Variants in CACNB2 observed in about 807,000 individuals in gnomAD.
CACNB2 encodes calcium voltage-gated channel auxiliary subunit beta 2.
Under a neutral mutation model 73.3 loss-of-function variants are expected in CACNB2, and 42 were observed. The ratio of observed to expected loss-of-function variants is 0.57; its 90% CI spans 0.45 to 0.74. CACNB2 has a LOEUF of 0.74. Ranked by LOEUF, CACNB2 falls within the 30% of genes least tolerant of loss-of-function variation. CACNB2 has a pLI of 0.00. For missense variants in CACNB2, 940 were observed against 853.0 expected (o/e 1.10, Z -1.27); for synonymous variants, 348 against 310.3 (o/e 1.12, Z -1.28).
chr10:18,175,097 T>A (rs1431868118), intron 2 of CACNB2, among the ~76,000 whole-genome samples: 1 of 152,202 alleles, frequency 6.6e-6, no homozygotes, highest in East Asian at 1.9e-4. Flanking sequence ...TCTATGGTCT[T>A]GTTTAAAAGT....
At chr10:18,423,560 G>A (rs1469777318) in intron 3 of CACNB2, among the ~76,000 whole-genome samples, 1 of 152,084 alleles carries the variant, frequency 6.6e-6, no homozygotes, top group Non-Finnish European at 1.5e-5. Context: ...ATACACTGGG[G>A]TATCTTTCAA....
intron 11 of CACNB2, among the ~76,000 whole-genome samples, chr10:18,535,172 AAGAC>A (rs1360297041): frequency 6.6e-6 from 1 of 152,346 alleles, no homozygotes; most frequent in South Asian, 2.1e-4. Flanking sequence ...ATTAATTTTC[AAGAC>A]AGACCAATGG....
chr10:18,468,581 G>T (rs2048022063), intron 3 of CACNB2, among the ~76,000 whole-genome samples: 1 of 152,078 alleles, frequency 6.6e-6, no homozygotes, highest in Non-Finnish European at 1.5e-5. Flanking sequence ...TGCAGACTGA[G>T]CGTCTGATTT....
intron 2 of CACNB2, among the ~76,000 whole-genome samples, chr10:18,162,027 A>T (rs1448017715): frequency 6.6e-6 from 1 of 152,202 alleles, no homozygotes; most frequent in African/African-American, 2.4e-5. Context: ...TTGTACATAT[A>T]TGTGTGTCAG....
intron 3 of CACNB2, among the ~76,000 whole-genome samples, chr10:18,416,627 G>A (rs1302767736): frequency 6.6e-6 from 1 of 152,110 alleles, no homozygotes; most frequent in Non-Finnish European, 1.5e-5. Flanking sequence ...GGCCAGAGTG[G>A]TCTTGAACCC....
chr10:18,177,976 T>C (rs2033692268), intron 2 of CACNB2, among the ~76,000 whole-genome samples: 1 of 152,196 alleles, frequency 6.6e-6, no homozygotes, highest in Admixed American at 6.5e-5. Flanking sequence ...ATATGCATTT[T>C]GCAGCTAGAC....
At chr10:18,165,390 C>T (rs1171334137) in intron 2 of CACNB2, among the ~76,000 whole-genome samples, 1 of 152,202 alleles carries the variant, frequency 6.6e-6, no homozygotes, top group Non-Finnish European at 1.5e-5. Flanking sequence ...GAAACGATGT[C>T]ACTGCACCTG....
intron 3 of CACNB2, among the ~76,000 whole-genome samples, chr10:18,488,162 G>A (rs921830338): frequency 6.6e-6 from 1 of 151,392 alleles, no homozygotes; most frequent in African/African-American, 2.4e-5. Flanking sequence ...AGAGAGAAAC[G>A]GAAGATCTAA....
chr10:18,387,870 C>T (rs1172453563), intron 2 of CACNB2, among the ~76,000 whole-genome samples: 2 of 152,076 alleles, frequency 1.3e-5, no homozygotes, highest in South Asian at 4.1e-4. Context: ...GATCCTCCCA[C>T]CTCAGCCTCC....
intron 2 of CACNB2, among the ~76,000 whole-genome samples, chr10:18,299,541 T>A (rs2039422434): frequency 6.6e-6 from 1 of 152,084 alleles, no homozygotes; most frequent in Non-Finnish European, 1.5e-5. Flanking sequence ...TGAAACCCCA[T>A]CTCCACAAAA....
chr10:18,241,935 C>T (rs1178278276), intron 2 of CACNB2, among the ~76,000 whole-genome samples: 1 of 151,912 alleles, frequency 6.6e-6, no homozygotes, highest in African/African-American at 2.4e-5. Context: ...ATTCAAGTCA[C>T]AATAAACAAA....
At chr10:18,321,623 T>C (rs1416853422) in intron 2 of CACNB2, among the ~76,000 whole-genome samples, 4 of 152,188 alleles carry the variant, frequency 2.6e-5, no homozygotes, top group African/African-American at 9.7e-5. Flanking sequence ...ATTGCATGCC[T>C]GTATCAAAAC....
At position 18,340,617 on chromosome 10, in the gene CACNB2, G is replaced by C. The variant is rs558423717; in HGVS notation, c.214-61307G>C. 2.6e-5 allele frequency: 30 copies of C among 1,171,112 alleles called. No individual in the cohort carries two copies. The African/African-American group carries it at 3.9e-4, about 15-fold the overall frequency. The allele number at this position is 1,171,112 out of a possible 1,614,324, so 72.5% of individuals were successfully genotyped here. Reference sequence around the variant, plus strand: ...ACTGTACTTTGACAAGTTTGCAGGCGTCTGTCTTCCAAGCCAGCTGACGTA... The same window carrying C: ...ACTGTACTTTGACAAGTTTGCAGGCCTCTGTCTTCCAAGCCAGCTGACGTA... On this transcript the variant is annotated intron_variant, in intron 2 of 13. Transcript: ENST00000324631.
chr10:18,220,232 T>TATATATATATAGAG (rs1488872721), intron 2 of CACNB2, among the ~76,000 whole-genome samples: 2 of 25,090 alleles, frequency 8.0e-5, no homozygotes, highest in African/African-American at 2.4e-4. Flanking sequence ...TATATATATA[T>TATATATATATAGAG]AGAGAGAGAG....
intron 2 of CACNB2, among the ~76,000 whole-genome samples, chr10:18,347,239 G>A (rs1291920706): frequency 6.6e-6 from 1 of 151,648 alleles, no homozygotes; most frequent in Non-Finnish European, 1.5e-5. Context: ...GTGCAGTGGT[G>A]AGATCTTGGC....
chr10:18,196,776 C>G (rs1055501067), intron 2 of CACNB2, among the ~76,000 whole-genome samples: 19 of 152,106 alleles, frequency 1.2e-4, no homozygotes, highest in African/African-American at 4.6e-4. Context: ...ACTGAAATGC[C>G]TTTTGTGTGT....
intron 2 of CACNB2, among the ~76,000 whole-genome samples, chr10:18,397,516 C>T (rs116421015): frequency 0.016 from 2,465 of 151,242 alleles, 76 homozygotes; most frequent in African/African-American, 0.056. Context: ...GAACGTTAGA[C>T]ATAAAAGTGG....
rs2054021130 is a variant in CACNB2 at position 18,540,630 on chromosome 10, T to G, written c.*906T>G. On this transcript the variant is annotated 3_prime_UTR_variant, in exon 14 of 14. Transcript: ENST00000324631. ...CCAGAGGTTGTTCTACTCCATACAGTTCACACTGATTGTGACACATTCTTA... is the reference window on the plus strand; with the variant it reads ...CCAGAGGTTGTTCTACTCCATACAGGTCACACTGATTGTGACACATTCTTA... 6.6e-6 allele frequency: 1 copy of G among 152,578 alleles called. No individual in the cohort carries two copies. The highest frequency in any genetic ancestry group is 1.5e-5 in the Non-Finnish European group (1 of 68,034). 9.5% of individuals were successfully genotyped at this position (152,578 alleles called of 1,614,324 possible). A position where few individuals can be genotyped will look rare whatever the true frequency, so the allele number is the denominator to read the frequency against.
chr10:18,147,453 G>A (rs1050230243), intron 1 of CACNB2, among the ~76,000 whole-genome samples: 1 of 151,954 alleles, frequency 6.6e-6, no homozygotes, highest in African/African-American at 2.4e-5. Flanking sequence ...GCAATTAGTG[G>A]AAATTAGTGA....
Sources: allele counts gnomAD v4.1 joint callset (sites outside exome capture counted in the v4.1 genomes callset), GRCh38; gene constraint gnomAD v4.1.1; transcripts MANE v1.5; gene names NCBI Gene and HGNC (gene_info 2026-07-23, HGNC 2026-07-21).